Variants in REPS2 observed in about 807,000 individuals in gnomAD.
REPS2 encodes ralBP1-associated Eps domain-containing protein 2.
Under a neutral mutation model 53.6 loss-of-function variants are expected in REPS2, and 23 were observed. That is an observed-to-expected ratio of 0.43 (90% confidence interval 0.31 to 0.61). The LOEUF (loss-of-function observed/expected upper bound fraction) is 0.61. REPS2 is among the 20% of genes least tolerant of loss of function. The pLI, the probability that REPS2 is intolerant of heterozygous loss-of-function variation, is 0.11. For synonymous variants in REPS2, 238 were observed against 218.6 expected, an observed-to-expected ratio of 1.09 and a Z score of -0.78; for missense variants, 446 against 534.9, an observed-to-expected ratio of 0.83 and a Z score of 1.64.
At chrX:17,050,829 C>G in intron 6 of REPS2, among the ~76,000 whole-genome samples, 1 of 111,600 alleles carries the variant, frequency 9.0e-6, no homozygotes, top group Non-Finnish European at 1.9e-5. Flanking sequence ...TCCATCCCCT[C>G]AAGCATTTAT....
At chrX:17,021,331 T>C (rs111894502) in intron 2 of REPS2, among the ~76,000 whole-genome samples, 3,967 of 112,679 alleles carry the variant, frequency 0.035, 175 homozygotes, top group African/African-American at 0.12. Flanking sequence ...TGAGTAAATA[T>C]ACCAGACCGT....
In REPS2 at chrX:17,119,868, C is replaced by CTTTTTTTTTTTTTTTT. The variant is rs35141257; in HGVS notation, c.1579-13945_1579-13930dup. 1.5e-4 allele frequency among the ~76,000 whole-genome samples: 6 copies of CTTTTTTTTTTTTTTTT among 40,509 alleles called. 1 individual carries two copies. The highest frequency in any genetic ancestry group is 7.1e-4 in the African/African-American group (6 of 8,396). The allele number at this position is 40,509 out of a possible 115,157, so 35.2% of individuals were successfully genotyped here. A position where few individuals can be genotyped will look rare whatever the true frequency, so the allele number is the denominator to read the frequency against. ...TCTGCTGTCCCCTATCGCACTGTGA[C>CTTTTTTTTTTTTTTTT]TTTTTTTTTTTTTTTTTTTTTTTTT... is the stretch of plus-strand genomic sequence containing the variant. On this transcript the variant is annotated intron_variant, in intron 14 of 17. Transcript: ENST00000357277.
chrX:16,956,719 C>T (rs767992485), intron 1 of REPS2, among the ~76,000 whole-genome samples: 5 of 111,373 alleles, frequency 4.5e-5, no homozygotes, highest in African/African-American at 1.7e-4. Context: ...TGCTCCTGAC[C>T]GTTTTATCTG....
In REPS2 at chrX:17,106,745, C is replaced by A. The variant is rs189975113; in HGVS notation, c.1578+2966C>A. Among the ~76,000 whole-genome samples the A allele has an allele frequency of 3.7e-4, 41 of 111,593 alleles. 1 individual carries two copies. Among genetic ancestry groups the A allele is most frequent in the Non-Finnish European group, 1.3e-4 (7 of 53,112 alleles). ...AGTAATTTATAGATTCAATGATATT[C>A]CCATCAAACTACCATTGACATTCTT... On this transcript the variant is annotated intron_variant, in intron 14 of 17. Transcript: ENST00000357277.
the REPS2 span, among the ~76,000 whole-genome samples, chrX:17,165,342 C>G: frequency 8.9e-6 from 1 of 111,829 alleles, no homozygotes; most frequent in Non-Finnish European, 1.9e-5. Context: ...CCAAAAGAAC[C>G]AGGGTGGCTT....
At chrX:17,137,581 G>C (rs771354055) in intron 16 of REPS2, 1 of 111,744 alleles carries the variant, frequency 8.9e-6, no homozygotes, top group Non-Finnish European at 1.9e-5. Context: ...CTCTCATTCT[G>C]TGGGCTGTCT....
intron 14 of REPS2, among the ~76,000 whole-genome samples, chrX:17,105,546 A>AG (rs2062863398): frequency 8.9e-6 from 1 of 112,180 alleles, no homozygotes; most frequent in African/African-American, 3.2e-5. Context: ...TAGTCACCAA[A>AG]GATCTGACTG....
intron 13 of REPS2, among the ~76,000 whole-genome samples, chrX:17,082,353 G>A (rs1351760865): frequency 1.8e-5 from 2 of 112,777 alleles, no homozygotes; most frequent in Non-Finnish European, 3.7e-5. Context: ...GCTGGGAAAT[G>A]TAGTCCTTGG....
intron 17 of REPS2, among the ~76,000 whole-genome samples, chrX:17,142,554 C>A (rs984631352): frequency 1.9e-4 from 21 of 112,117 alleles, no homozygotes; most frequent in African/African-American, 6.5e-4. Context: ...AGGATTTGAA[C>A]AGACACTTCA....
intron 1 of REPS2, among the ~76,000 whole-genome samples, chrX:16,991,722 G>C (rs2061165992): frequency 9.1e-6 from 1 of 109,302 alleles, no homozygotes; most frequent in Non-Finnish European, 1.9e-5. Context: ...ACTTAAAGTA[G>C]AATAAAAAAT....
chrX:17,091,283 G>A (rs1263910520), intron 13 of REPS2, among the ~76,000 whole-genome samples: 1 of 111,787 alleles, frequency 8.9e-6, no homozygotes, highest in Non-Finnish European at 1.9e-5. Flanking sequence ...AGCTCCTTGA[G>A]GTTGCAGTAC....
chrX:17,009,019 T>C (rs1277131144), intron 2 of REPS2, among the ~76,000 whole-genome samples: 1 of 111,525 alleles, frequency 9.0e-6, no homozygotes, highest in Non-Finnish European at 1.9e-5. Flanking sequence ...GCAATGTGGC[T>C]CCAATCTCAC....
intron 17 of REPS2, among the ~76,000 whole-genome samples, chrX:17,140,725 G>A (rs2063431479): frequency 1.0e-5 from 1 of 97,443 alleles, no homozygotes; most frequent in Non-Finnish European, 2.0e-5. Flanking sequence ...TATACAAAAT[G>A]CATGCACAAA....
At chrX:17,110,523 CA>C (rs773032143) in intron 14 of REPS2, among the ~76,000 whole-genome samples, 15 of 68,944 alleles carry the variant, frequency 2.2e-4, no homozygotes, top group South Asian at 6.7e-4. Flanking sequence ...CATCTCTACT[CA>C]AAAAAAAAAA....
Position 16,979,210 on chromosome X carries a change from T to C in REPS2, c.274-27011T>C, listed in dbSNP as rs372858515. Among the ~76,000 whole-genome samples the C allele has an allele frequency of 4.5e-5, 5 of 111,856 alleles. No homozygotes were observed. The South Asian group carries it at 1.1e-3, about 25-fold the overall frequency. On this transcript the variant is annotated intron_variant, in intron 1 of 17. Coordinates refer to ENST00000357277, the MANE Select transcript of REPS2 (RefSeq NM_004726.3). ...CCCCCATACCATATACTGTATTACC[T>C]ATCACTGCAAGATTCTTTATAGGGT...
intron 1 of REPS2, among the ~76,000 whole-genome samples, chrX:16,947,430 G>C (rs771121465): frequency 2.7e-5 from 3 of 111,833 alleles, no homozygotes; most frequent in African/African-American, 9.7e-5. Context: ...CAGCCGCCCA[G>C]ACCCAAAGTT....
chrX:17,119,868 C>CTTTT lies in REPS2; in HGVS notation c.1579-13933_1579-13930dup, dbSNP rs35141257. Among the ~76,000 whole-genome samples the CTTTT allele has an allele frequency of 4.9e-4, 20 of 40,505 alleles. 1 individual carries two copies. Among genetic ancestry groups the CTTTT allele is most frequent in the African/African-American group, 1.2e-3 (10 of 8,395 alleles). 35.2% of individuals were successfully genotyped at this position (40,505 alleles called of 115,157 possible). A position where few individuals can be genotyped will look rare whatever the true frequency, so the allele number is the denominator to read the frequency against. Reference sequence around the variant, plus strand: ...TCTGCTGTCCCCTATCGCACTGTGACTTTTTTTTTTTTTTTTTTTTTTTTT... The same window carrying CTTTT: ...TCTGCTGTCCCCTATCGCACTGTGACTTTTTTTTTTTTTTTTTTTTTTTTTTTTT... On this transcript the variant is annotated intron_variant, in intron 14 of 17. Coordinates refer to ENST00000357277, the MANE Select transcript of REPS2 (RefSeq NM_004726.3).
At chrX:17,011,552 C>T (rs2061430221) in intron 2 of REPS2, among the ~76,000 whole-genome samples, 1 of 111,791 alleles carries the variant, frequency 8.9e-6, no homozygotes, top group Non-Finnish European at 1.9e-5. Flanking sequence ...GCAACAAAGA[C>T]ATAAGATTAT....
chrX:17,001,927 G>A (rs1191028975), intron 1 of REPS2, among the ~76,000 whole-genome samples: 3 of 111,634 alleles, frequency 2.7e-5, no homozygotes, highest in Non-Finnish European at 5.6e-5. Flanking sequence ...ACCGATCCCC[G>A]TGATTCAATT....
Sources: allele counts gnomAD v4.1 joint callset (sites outside exome capture counted in the v4.1 genomes callset), GRCh38; gene constraint gnomAD v4.1.1; transcripts MANE v1.5; gene names NCBI Gene and HGNC (gene_info 2026-07-23, HGNC 2026-07-21).